FGGY: variants seen among roughly 807,000 people sequenced by gnomAD.
FGGY encodes the protein FGGY carbohydrate kinase domain containing.
In FGGY, 72 loss-of-function variants were observed where a neutral mutation model predicts 71.3. That is an observed-to-expected ratio of 1.01 (90% CI 0.84 to 1.23). FGGY has a LOEUF of 1.23. FGGY is among the 50% of genes most tolerant of loss of function. The pLI is 0.00. For missense variants in FGGY, 668 were observed against 682.3 expected (o/e 0.98, Z 0.23); for synonymous variants, 251 against 250.3 (o/e 1.00, Z -0.02).
Position 59,499,502 on chromosome 1 carries a change from T to C in FGGY, c.671-12809T>C, listed in dbSNP as rs557914445. 4.7e-4 allele frequency among the ~76,000 whole-genome samples: 72 copies of C among 152,182 alleles called. 1 individual carries two copies. Among genetic ancestry groups the C allele is most frequent in the African/African-American group, 1.7e-3 (71 of 41,492 alleles). ...AATTGTTTATTTCTGGAATTTTCCA[T>C]TTAATATTTTTGTACTAGAGTTGAC... On this transcript the variant is annotated intron_variant, in intron 6 of 15. Transcript: ENST00000303721.
intron 10 of FGGY, among the ~76,000 whole-genome samples, chr1:59,627,226 T>C (rs928901782): frequency 6.6e-6 from 1 of 151,966 alleles, no homozygotes; most frequent in Non-Finnish European, 1.5e-5. Flanking sequence ...ATTTTGACTA[T>C]ATGCCATATG....
At chr1:59,353,400 T>C (rs973711330) in intron 4 of FGGY, among the ~76,000 whole-genome samples, 1 of 152,228 alleles carries the variant, frequency 6.6e-6, no homozygotes, top group African/African-American at 2.4e-5. Context: ...AGTGATATGT[T>C]TTTTCCTGTT....
chr1:59,577,123 T>A (rs945016509), intron 8 of FGGY, among the ~76,000 whole-genome samples: 1 of 152,196 alleles, frequency 6.6e-6, no homozygotes, highest in Non-Finnish European at 1.5e-5. Flanking sequence ...TTTGCCGCCA[T>A]CCTTACCTCC....
intron 4 of FGGY, among the ~76,000 whole-genome samples, chr1:59,377,747 A>G (rs2058847241): frequency 6.6e-6 from 1 of 152,174 alleles, no homozygotes; most frequent in African/African-American, 2.4e-5. Context: ...GTGTAGGGTT[A>G]ACCAAATGAG....
Position 59,609,240 on chromosome 1 carries a change from G to A in FGGY, c.1011+1330G>A, listed in dbSNP as rs965349642. Among the ~76,000 whole-genome samples the A allele has an allele frequency of 1.3e-4, 20 of 152,304 alleles. 1 individual carries two copies. Among genetic ancestry groups the A allele is most frequent in the East Asian group, 7.7e-4 (4 of 5,194 alleles). On this transcript the variant is annotated intron_variant, in intron 9 of 15. Coordinates refer to ENST00000303721, the MANE Select transcript of FGGY (RefSeq NM_018291.5). The stretch of plus-strand genomic sequence containing the variant: ...AACTATTCTTAGAAAAATGGCTTAC[G>A]ATAAAAGTTAGAGAGTAGGGCAGAG...
chr1:59,592,127 C>G (rs377650742), intron 8 of FGGY, among the ~76,000 whole-genome samples: 49 of 152,124 alleles, frequency 3.2e-4, no homozygotes, highest in African/African-American at 1.2e-3. Context: ...GGGCAAAGGA[C>G]ATGAACAGAC....
intron 14 of FGGY, among the ~76,000 whole-genome samples, chr1:59,687,089 C>G (rs2153995952): frequency 6.6e-6 from 1 of 152,322 alleles, no homozygotes; most frequent in South Asian, 2.1e-4. Flanking sequence ...GTGCTCCTTC[C>G]CCTGCTCTGC....
intron 10 of FGGY, among the ~76,000 whole-genome samples, chr1:59,637,975 A>C (rs548363061): frequency 1.3e-5 from 2 of 152,322 alleles, no homozygotes; most frequent in Admixed American, 6.5e-5. Flanking sequence ...TAACTTTCTC[A>C]TGGCCATACA....
At chr1:59,445,172 C>G (rs116474583) in intron 5 of FGGY, among the ~76,000 whole-genome samples, 1 of 152,232 alleles carries the variant, frequency 6.6e-6, no homozygotes, top group South Asian at 2.1e-4. Context: ...ATAAATGGCT[C>G]TTTTGCTCCT....
chr1:59,478,841 C>G (rs2153562585), intron 6 of FGGY, among the ~76,000 whole-genome samples: 1 of 152,258 alleles, frequency 6.6e-6, no homozygotes, highest in Non-Finnish European at 1.5e-5. Flanking sequence ...AAGGATGTAC[C>G]TGCCAAGGGC....
intron 7 of FGGY, among the ~76,000 whole-genome samples, chr1:59,532,838 A>C (rs902399333): frequency 6.6e-6 from 1 of 152,224 alleles, no homozygotes; most frequent in Non-Finnish European, 1.5e-5. Context: ...AACATCATAG[A>C]TGATACAATT....
chr1:59,755,063 C>T (rs534764885), intron 14 of FGGY: 2 of 152,280 alleles, frequency 1.3e-5, no homozygotes, highest in East Asian at 1.9e-4. Flanking sequence ...TGGAAGGAGG[C>T]CTGATGTGCA....
intron 1 of FGGY, among the ~76,000 whole-genome samples, chr1:59,309,328 A>G (rs1328205330): frequency 6.6e-6 from 1 of 152,190 alleles, no homozygotes; most frequent in Non-Finnish European, 1.5e-5. Context: ...TTTTCTATGA[A>G]CTATAAGTTT....
intron 5 of FGGY, among the ~76,000 whole-genome samples, chr1:59,388,282 G>A (rs947041561): frequency 2.6e-5 from 4 of 152,158 alleles, no homozygotes; most frequent in Non-Finnish European, 5.9e-5. Context: ...GGGCATAGGA[G>A]GTGAAAGTGT....
intron 4 of FGGY, among the ~76,000 whole-genome samples, chr1:59,354,788 C>T (rs1307306623): frequency 6.6e-6 from 1 of 152,158 alleles, no homozygotes; most frequent in Non-Finnish European, 1.5e-5. Context: ...TAGACACACA[C>T]AAAGTAATTT....
chr1:59,706,213 C>G (rs886488900), intron 14 of FGGY, among the ~76,000 whole-genome samples: 12 of 152,176 alleles, frequency 7.9e-5, no homozygotes, highest in Non-Finnish European at 1.8e-4. Context: ...AACCTGGCAT[C>G]CTTCTCTTCT....
At chr1:59,433,382 T>A (rs1022314550) in intron 5 of FGGY, among the ~76,000 whole-genome samples, 1 of 152,162 alleles carries the variant, frequency 6.6e-6, no homozygotes, top group African/African-American at 2.4e-5. Flanking sequence ...AAAGGGCATT[T>A]TCAGAATTGT....
At chr1:59,372,238 T>G (rs571290008) in intron 4 of FGGY, among the ~76,000 whole-genome samples, 149 of 152,068 alleles carry the variant, frequency 9.8e-4, no homozygotes, top group African/African-American at 3.6e-3. Flanking sequence ...TCACCACCGA[T>G]CCCACAGAAA....
At chr1:59,595,288 T>C (rs2096506770) in intron 8 of FGGY, among the ~76,000 whole-genome samples, 1 of 150,106 alleles carries the variant, frequency 6.7e-6, no homozygotes, top group African/African-American at 2.5e-5. Context: ...CCCTCCCTTT[T>C]CCCCCACTGC....
Sources: gnomAD v4.1 joint callset for allele counts (sites outside exome capture counted in the v4.1 genomes callset) on GRCh38, gnomAD v4.1.1 for gene constraint, MANE v1.5 for transcripts, NCBI Gene and HGNC (gene_info 2026-07-23, HGNC 2026-07-21) for gene names.